C8A: variants seen among roughly 807,000 people sequenced by gnomAD.
C8A encodes complement C8 alpha chain, also known as complement component C8 alpha chain.
In C8A, 67 loss-of-function variants were observed where a neutral mutation model predicts 65.3. The observed-to-expected ratio is 1.03, with a 90% CI of 0.84 to 1.26. C8A has a LOEUF of 1.26. Ranked by LOEUF, C8A falls within the 50% of genes most tolerant of loss-of-function variation. C8A has a pLI of 0.00. For missense variants in C8A, 781 were observed against 723.9 expected, an observed-to-expected ratio of 1.08 and a Z score of -0.90; for synonymous variants, 290 against 259.4, an observed-to-expected ratio of 1.12 and a Z score of -1.13.
intron 7 of C8A, among the ~76,000 whole-genome samples, chr1:56,896,759 A>C (rs1388956243): frequency 6.6e-6 from 1 of 152,210 alleles, no homozygotes; most frequent in East Asian, 1.9e-4. Flanking sequence ...TGTCAATAAC[A>C]ACTGTGGAGC....
chr1:56,867,651 G>C lies in C8A; in HGVS notation c.120G>C (p.Gln40His). 6.2e-7 allele frequency: 1 copy of C among 1,613,954 alleles called. No homozygotes were observed. Among genetic ancestry groups the C allele is most frequent in the East Asian group, 2.2e-5 (1 of 44,864 alleles). Residue 40 changes from glutamine (Q) to histidine (H), a missense_variant, in exon 2 of 11, where the codon CAG becomes CAC. Transcript: ENST00000361249. ...CTACACCCGCAGCAGTTACCTGCCA[G>C]CTGAGCAACTGGTCAGAGTGGACAG... ...RAATPAAVTC[Q>H]LSNWSEWTDC...
chr1:56,871,522 C>T (rs1405124781), intron 2 of C8A, among the ~76,000 whole-genome samples: 2 of 152,124 alleles, frequency 1.3e-5, no homozygotes, highest in Non-Finnish European at 2.9e-5. Flanking sequence ...TGAATCTTTG[C>T]AATGTTCTCA....
intron 2 of C8A, among the ~76,000 whole-genome samples, chr1:56,872,393 G>C (rs1406468162): frequency 6.6e-6 from 1 of 152,138 alleles, no homozygotes; most frequent in Non-Finnish European, 1.5e-5. Flanking sequence ...TAAAAAGTCT[G>C]AGATGCTTTC....
chr1:56,881,341 T>C (rs1644245579), intron 4 of C8A, 104 bp from the exon 5 acceptor site: 4 of 1,156,134 alleles, frequency 3.5e-6, no homozygotes, highest in Non-Finnish European at 5.2e-6. Flanking sequence ...GTTTGTCACA[T>C]AGGTAAACGT....
Position 56,883,597 on chromosome 1 carries a change from C to T in C8A, c.771C>T (p.Ala257=), listed in dbSNP as rs147669132. ...SFGVTIGIGP[A]GSPLLVGVGV... ...GAGTGACCATCGGCATAGGCCCAGC[C>T]GGCAGCCCTTTATTGGTGGGTGTAG... The change falls in exon 6 of 11, where the codon GCC becomes GCT. Residue 257 remains alanine (A), a synonymous_variant. Transcript: ENST00000361249. 53 of 1,613,864 alleles carry T rather than the reference C, an allele frequency of 3.3e-5. No homozygotes were observed. The East Asian group carries it at 6.5e-4, about 20-fold the overall frequency.
At chr1:56,912,367 C>T in intron 9 of C8A, 36 bp from the exon 10 acceptor site, 1 of 1,596,960 alleles carries the variant, frequency 6.3e-7, no homozygotes, top group Non-Finnish European at 8.6e-7. Flanking sequence ...TAGATAGAGC[C>T]CAGGGAGGGG....
intron 1 of C8A, among the ~76,000 whole-genome samples, chr1:56,867,081 T>C (rs964743971): frequency 6.6e-6 from 1 of 152,192 alleles, no homozygotes; most frequent in African/African-American, 2.4e-5. Flanking sequence ...ATAATCCACA[T>C]AATGTCCCAG....
At chr1:56,900,879 T>A (rs1487004003) in intron 7 of C8A, among the ~76,000 whole-genome samples, 1 of 152,064 alleles carries the variant, frequency 6.6e-6, no homozygotes, top group African/African-American at 2.4e-5. Context: ...AATTGACAAT[T>A]ACTAGAGTGA....
At chr1:56,874,860 C>A in intron 2 of C8A, 89 bp from the exon 3 acceptor site, 1 of 1,424,212 alleles carries the variant, frequency 7.0e-7, no homozygotes, top group Non-Finnish European at 9.8e-7. Context: ...ATAATTATTT[C>A]TTATGTTGAG....
At chr1:56,861,143 A>G (rs552866042) in intron 1 of C8A, among the ~76,000 whole-genome samples, 4 of 152,202 alleles carry the variant, frequency 2.6e-5, no homozygotes, top group Non-Finnish European at 5.9e-5. Flanking sequence ...ATTGTGTTTT[A>G]TTGAGCACCT....
At position 56,906,772 on chromosome 1, in the gene C8A, A is replaced by G. The variant is rs1644469660; in HGVS notation, c.1202A>G (p.Lys401Arg). 6.2e-7 allele frequency: 1 copy of G among 1,614,012 alleles called. No homozygotes were observed. Reference protein sequence around the residue: ...GGGLSGDHCKKFGGGKTERAR... With the variant: ...GGGLSGDHCKRFGGGKTERAR... The stretch of plus-strand genomic sequence containing the variant: ...GGTTTATCAGGAGACCATTGTAAAA[A>G]ATTTGGAGGTGGCAAAACTGGCAAG... The change falls in exon 8 of 11, where the codon AAA becomes AGA. Residue 401 changes from lysine to arginine, a missense_variant. Physicochemically the swap from Lys to Arg is conservative, Grantham distance 26. Coordinates refer to ENST00000361249, the MANE Select transcript of C8A (RefSeq NM_000562.3).
intron 4 of C8A, 51 bp downstream of exon 4, chr1:56,876,260 A>G (rs566959425): frequency 6.2e-7 from 1 of 1,610,114 alleles, no homozygotes; most frequent in East Asian, 2.2e-5. Context: ...TTTGTCTTCA[A>G]TCGTGAGCAT....
At chr1:56,903,754 A>G (rs1041011929) in intron 7 of C8A, among the ~76,000 whole-genome samples, 3 of 152,222 alleles carry the variant, frequency 2.0e-5, no homozygotes, top group African/African-American at 7.2e-5. Context: ...CCAAGATCCA[A>G]TGAAGAGGAA....
intron 7 of C8A, among the ~76,000 whole-genome samples, chr1:56,887,988 G>A (rs1228895424): frequency 6.6e-6 from 1 of 152,088 alleles, no homozygotes; most frequent in Non-Finnish European, 1.5e-5. Flanking sequence ...TGTCGGGGAT[G>A]GGGGGCTAGG....
At chr1:56,916,396 C>G (rs1644553018) in intron 10 of C8A, among the ~76,000 whole-genome samples, 1 of 152,184 alleles carries the variant, frequency 6.6e-6, no homozygotes, top group South Asian at 2.1e-4. Context: ...CAGTCAAATT[C>G]CATGGAGGCC....
chr1:56,867,574 C>G (rs748345646), intron 1 of C8A, 35 bp from the exon 2 acceptor site: 3 of 1,507,260 alleles, frequency 2.0e-6, no homozygotes, highest in South Asian at 2.3e-5. Flanking sequence ...AATTTTGCAT[C>G]TCAAAATTGA....
chr1:56,874,824 C>T, intron 2 of C8A, 125 bp from the exon 3 acceptor site: 1 of 1,061,244 alleles, frequency 9.4e-7, no homozygotes, highest in Non-Finnish European at 1.4e-6. Context: ...CAAAAGACAG[C>T]TTCACAGGCA....
chr1:56,879,682 TGTC>T (rs1644231830), intron 4 of C8A, among the ~76,000 whole-genome samples: 1 of 152,206 alleles, frequency 6.6e-6, no homozygotes, highest in South Asian at 2.1e-4. Context: ...TTTGCAAAGT[TGTC>T]GTGAGGTTGA....
chr1:56,908,763 A>G (rs575978042), intron 9 of C8A, among the ~76,000 whole-genome samples: 16 of 152,264 alleles, frequency 1.1e-4, no homozygotes, highest in Admixed American at 9.8e-4. Context: ...AATCAAGTGA[A>G]AATATTTGAG....
Sources: gnomAD v4.1 joint callset for allele counts (sites outside exome capture counted in the v4.1 genomes callset) on GRCh38, gnomAD v4.1.1 for gene constraint, MANE v1.5 for transcripts, NCBI Gene and HGNC (gene_info 2026-07-23, HGNC 2026-07-21) for gene names.